The following MCF2L2 variants were observed in gnomAD, a reference collection of about 807,000 sequenced individuals.
The protein encoded by MCF2L2 is MCF.2 cell line derived transforming sequence-like 2.
In MCF2L2, 102 loss-of-function variants were observed where a neutral mutation model predicts 150.2. That is an observed-to-expected ratio of 0.68 (90% CI 0.58 to 0.80). The LOEUF (loss-of-function observed/expected upper bound fraction) is 0.80. Among genes scored for constraint, MCF2L2 ranks in the 30% least tolerant of loss-of-function variants. MCF2L2 has a pLI of 0.00. For missense variants in MCF2L2, 1,256 were observed against 1,372.8 expected (o/e 0.91, Z 1.34); for synonymous variants, 465 against 491.3 (o/e 0.95, Z 0.71).
chr3:183,292,736 T>C (rs1369312958), intron 13 of MCF2L2, among the ~76,000 whole-genome samples: 1 of 152,200 alleles, frequency 6.6e-6, no homozygotes, highest in African/African-American at 2.4e-5. Flanking sequence ...CATATGGAAG[T>C]ATGACATTGT....
At chr3:183,327,048 C>T (rs1560023396) in intron 5 of MCF2L2, among the ~76,000 whole-genome samples, 1 of 151,930 alleles carries the variant, frequency 6.6e-6, no homozygotes, top group East Asian at 1.9e-4. Flanking sequence ...ATAAATAGGC[C>T]GGGCATGGTG....
intron 10 of MCF2L2, among the ~76,000 whole-genome samples, chr3:183,308,860 T>C (rs1353937789): frequency 2.6e-5 from 4 of 152,226 alleles, no homozygotes; most frequent in African/African-American, 9.6e-5. Flanking sequence ...AAATCTCTAG[T>C]ACTGCAAAAT....
intron 1 of MCF2L2, among the ~76,000 whole-genome samples, chr3:183,421,392 G>A (rs377022564): frequency 6.6e-6 from 1 of 152,160 alleles, no homozygotes; most frequent in East Asian, 1.9e-4. Context: ...TCTATCTTCA[G>A]TTCCTTGAGT....
In MCF2L2 at chr3:183,179,709, G is replaced by T. The variant is rs1196827961; in HGVS notation, c.3106-17C>A. On this transcript the variant is annotated splice_polypyrimidine_tract_variant and intron_variant, in intron 28 of 29. Coordinates refer to ENST00000328913, the MANE Select transcript of MCF2L2 (RefSeq NM_015078.4). The surrounding 1 kb of genome is among the most constrained non-coding windows in gnomAD (Gnocchi z 4.2). Reference sequence around the variant, plus strand: ...GCCCGCGAGCTGGAAGGGAGGGGACGGGTGCACCCTCAGAGTTATTGCTGG... The same window carrying T: ...GCCCGCGAGCTGGAAGGGAGGGGACTGGTGCACCCTCAGAGTTATTGCTGG... 1 of 1,597,482 alleles carries T rather than the reference G, an allele frequency of 6.3e-7. No homozygotes were observed. Among genetic ancestry groups the T allele is most frequent in the Non-Finnish European group, 8.6e-7 (1 of 1,165,202 alleles).
In MCF2L2 at chr3:183,179,758, G is replaced by A; in HGVS notation, c.3106-66C>T. 1 of 1,417,804 alleles carries A rather than the reference G, an allele frequency of 7.1e-7. No homozygotes were observed. Among genetic ancestry groups the A allele is most frequent in the Non-Finnish European group, 9.9e-7 (1 of 1,013,376 alleles). 87.8% of individuals were successfully genotyped at this position (1,417,804 alleles called of 1,614,324 possible). ...GGAGGCTGTGGCCAGACCGGGCAAG[G>A]TGGTGACTCCCGCTGGCAGGCTGAG... On this transcript the variant is annotated intron_variant, in intron 28 of 29. Transcript: ENST00000328913. This position sits in a 1 kb window ranked among gnomAD's most constrained non-coding sequence, Gnocchi z 4.2.
chr3:183,184,360 G>A (rs1721625650), intron 27 of MCF2L2, among the ~76,000 whole-genome samples: 2 of 152,194 alleles, frequency 1.3e-5, no homozygotes, highest in Non-Finnish European at 2.9e-5. Flanking sequence ...CTTGGAAAAT[G>A]AATGGAACGA....
At chr3:183,379,549 A>G in intron 2 of MCF2L2, 138 bp from the exon 3 acceptor site, 1 of 644,322 alleles carries the variant, frequency 1.6e-6, no homozygotes, top group Non-Finnish European at 2.7e-6. Flanking sequence ...AGAAGTTAAC[A>G]CAGTTATTTT....
chr3:183,234,701 T>TG (rs1345324572), intron 15 of MCF2L2, among the ~76,000 whole-genome samples: 1 of 134,730 alleles, frequency 7.4e-6, no homozygotes, highest in Non-Finnish European at 1.6e-5. Flanking sequence ...TTTTTTTTTT[T>TG]TTTTTTTTAT....
At chr3:183,266,790 C>CTT (rs113393313) in intron 15 of MCF2L2, among the ~76,000 whole-genome samples, 3 of 143,712 alleles carry the variant, frequency 2.1e-5, no homozygotes, top group Admixed American at 6.9e-5. Context: ...GTGTTTCAGT[C>CTT]TTTTTTTTTT....
chr3:183,294,078 T>C (rs987698078), intron 13 of MCF2L2, among the ~76,000 whole-genome samples: 3 of 152,108 alleles, frequency 2.0e-5, no homozygotes, highest in African/African-American at 7.2e-5. Flanking sequence ...ATTCTAAAAT[T>C]TATGGAACAA....
At chr3:183,271,227 G>T (rs1726750475) in intron 15 of MCF2L2, 1 of 232,054 alleles carries the variant, frequency 4.3e-6, no homozygotes, top group African/African-American at 2.3e-5. Flanking sequence ...TACTTGAGGT[G>T]TAGAGATGTT....
At chr3:183,272,788 CT>C in intron 15 of MCF2L2, 1 of 1,144,534 alleles carries the variant, frequency 8.7e-7, no homozygotes, top group African/African-American at 1.6e-5. Context: ...CATATATACC[CT>C]GTGTATCTAT....
chr3:183,310,756 G>T, intron 9 of MCF2L2, 159 bp downstream of exon 9: 1 of 598,908 alleles, frequency 1.7e-6, no homozygotes. Flanking sequence ...GAAAAAGTGA[G>T]AAGGGGGTTG....
intron 5 of MCF2L2, among the ~76,000 whole-genome samples, chr3:183,325,181 T>G (rs1729974904): frequency 1.3e-5 from 2 of 150,476 alleles, no homozygotes; most frequent in Admixed American, 1.3e-4. Flanking sequence ...GACGAGTTAA[T>G]GGGTGCAGCA....
intron 21 of MCF2L2, among the ~76,000 whole-genome samples, chr3:183,219,104 G>T (rs571838962): frequency 1.4e-4 from 21 of 151,902 alleles, no homozygotes; most frequent in Non-Finnish European, 2.2e-4. Context: ...TTATTCTAAG[G>T]GAACTTTGGC....
intron 3 of MCF2L2, among the ~76,000 whole-genome samples, chr3:183,350,467 AC>A (rs1481369372): frequency 6.6e-6 from 1 of 152,196 alleles, no homozygotes; most frequent in African/African-American, 2.4e-5. Context: ...TGTGTCAGAC[AC>A]CTGCACAAAT....
intron 21 of MCF2L2, among the ~76,000 whole-genome samples, chr3:183,216,755 C>A (rs1252261349): frequency 2.0e-5 from 3 of 150,020 alleles, no homozygotes; most frequent in Non-Finnish European, 4.4e-5. Context: ...CAGGTGTGCG[C>A]CACCATGCCT....
Position 183,193,103 on chromosome 3 carries a change from A to G in MCF2L2, c.2919-7T>C. 1.9e-6 allele frequency: 3 copies of G among 1,610,364 alleles called. No individual in the cohort carries two copies. In the South Asian group the frequency reaches 3.3e-5, roughly 18 times the overall value. On this transcript the variant is annotated splice_polypyrimidine_tract_variant and splice_region_variant and intron_variant, in intron 26 of 29. Transcript: ENST00000328913. ...TCCTGCTCCACTGCCTTTGCTTTAG[A>G]GAAATAAACATGAATATTGAGTCAC...
At chr3:183,349,957 G>A (rs1731047938) in intron 3 of MCF2L2, among the ~76,000 whole-genome samples, 1 of 152,094 alleles carries the variant, frequency 6.6e-6, no homozygotes, top group African/African-American at 2.4e-5. Context: ...GTGAAGCTGG[G>A]AGAGGCTTAG....
Sources: allele counts gnomAD v4.1 joint callset (sites outside exome capture counted in the v4.1 genomes callset), GRCh38; gene constraint gnomAD v4.1.1; non-coding constraint Gnocchi (gnomAD v3.1); transcripts MANE v1.5; gene names NCBI Gene and HGNC (gene_info 2026-07-23, HGNC 2026-07-21).